The following SH2D4B variants were observed in gnomAD, a reference collection of about 807,000 sequenced individuals.
The protein encoded by SH2D4B is SH2 domain containing 4B.
In SH2D4B, 45 loss-of-function variants were observed where a neutral mutation model predicts 61.5. The observed-to-expected ratio is 0.73, with a 90% confidence interval of 0.58 to 0.94. The LOEUF (loss-of-function observed/expected upper bound fraction) is 0.94, where lower values mean the gene tolerates loss of function less well. SH2D4B is among the 40% of genes least tolerant of loss of function. The probability of loss-of-function intolerance (pLI) is 0.00; values close to 1 mark genes in which losing one functional copy is unlikely to be tolerated. For missense variants in SH2D4B, 572 were observed against 574.2 expected (o/e 1.00, Z 0.04); for synonymous variants, 224 against 220.4 (o/e 1.02, Z -0.14).
Position 80,571,475 on chromosome 10 carries a change from T to C in SH2D4B, c.392T>C (p.Leu131Pro), listed in dbSNP as rs12257493. Residue 131 changes from leucine (L) to proline (P), a missense_variant, in exon 3 of 8, where the codon CTG becomes CCG. Leu to Pro is a moderately conservative substitution (Grantham distance 98). Coordinates refer to ENST00000646907, the MANE Select transcript of SH2D4B (RefSeq NM_001388272.1). Reference protein sequence around the residue: ...AEITKKFRDALANEKARILAE... With the variant: ...AEITKKFRDAPANEKARILAE... ...ATCACCAAGAAGTTCCGGGATGCTC[T>C]GGCCAATGAGAAAGCCCGGATCTTG... 2,931 of 1,614,174 alleles carry C rather than the reference T, an allele frequency of 1.8e-3. 57 individuals are homozygous for C. The African/African-American group carries it at 0.035, about 19-fold the overall frequency.
chr10:80,560,758 T>C (rs1841893898), intron 1 of SH2D4B, among the ~76,000 whole-genome samples: 1 of 138,888 alleles, frequency 7.2e-6, no homozygotes, highest in Non-Finnish European at 1.5e-5. Context: ...GATACACTGG[T>C]GGTGATTCTC....
At chr10:80,575,259 C>G (rs1842111476) in intron 3 of SH2D4B, among the ~76,000 whole-genome samples, 1 of 151,824 alleles carries the variant, frequency 6.6e-6, no homozygotes. Flanking sequence ...CTCACTCACA[C>G]TCATATACAC....
chr10:80,591,415 A>G (rs1842324867), intron 4 of SH2D4B, among the ~76,000 whole-genome samples: 1 of 151,388 alleles, frequency 6.6e-6, no homozygotes, highest in Non-Finnish European at 1.5e-5. Context: ...GAGTCTGGTA[A>G]GGGCCTTCTT....
chr10:80,543,548 C>G (rs933486003), intron 1 of SH2D4B, among the ~76,000 whole-genome samples: 3 of 152,334 alleles, frequency 2.0e-5, no homozygotes, highest in Middle Eastern at 3.4e-3. Context: ...GCGCCACCCC[C>G]TGCTCCACGG....
chr10:80,621,608 A>G (rs1261060947), intron 6 of SH2D4B, among the ~76,000 whole-genome samples: 2 of 152,120 alleles, frequency 1.3e-5, no homozygotes, highest in African/African-American at 4.8e-5. Flanking sequence ...GCCTTCGTCA[A>G]ATGTCGTCTG....
At chr10:80,565,538 G>A (rs945407745) in intron 1 of SH2D4B, among the ~76,000 whole-genome samples, 31 of 151,974 alleles carry the variant, frequency 2.0e-4, no homozygotes, top group Non-Finnish European at 3.1e-4. Flanking sequence ...TGGGACTAGA[G>A]GCATGCACCA....
At chr10:80,558,853 A>G (rs1046604508) in intron 1 of SH2D4B, among the ~76,000 whole-genome samples, 16 of 152,192 alleles carry the variant, frequency 1.1e-4, no homozygotes. Flanking sequence ...TAGTATGTTC[A>G]TAGATATGTG....
intron 6 of SH2D4B, among the ~76,000 whole-genome samples, chr10:80,629,054 G>GAAA (rs1176200160): frequency 6.7e-6 from 1 of 149,836 alleles, no homozygotes; most frequent in African/African-American, 2.5e-5. Context: ...AAAAGAAAAA[G>GAAA]AAATACCCAA....
chr10:80,600,552 T>C (rs942478688), intron 4 of SH2D4B, among the ~76,000 whole-genome samples: 1 of 150,414 alleles, frequency 6.6e-6, no homozygotes, highest in African/African-American at 2.5e-5. Flanking sequence ...TGTGTGTGTG[T>C]GCTGGGGAAG....
At position 80,576,559 on chromosome 10, in the gene SH2D4B, CT is replaced by C. The variant is rs543420460; in HGVS notation, c.495+4982del. Reference sequence around the variant, plus strand: ...TGCCTGTAAGTGCACTGCCCTTTTGCTGTGTGGAACTCTTCATCACAGGAAA... The same window carrying C: ...TGCCTGTAAGTGCACTGCCCTTTTGCGTGTGGAACTCTTCATCACAGGAAA... On this transcript the variant is annotated intron_variant, in intron 3 of 7. Transcript: ENST00000646907. Among the ~76,000 whole-genome samples the C allele has an allele frequency of 3.2e-3, 488 of 152,250 alleles. 4 individuals carry two copies. The highest frequency in any genetic ancestry group is 0.011 in the African/African-American group (474 of 41,548).
At position 80,603,567 on chromosome 10, in the gene SH2D4B, T is replaced by C; in HGVS notation, c.644-12T>C. 1 of 1,532,888 alleles carries C rather than the reference T, an allele frequency of 6.5e-7. No individual in the cohort carries two copies. Among genetic ancestry groups the C allele is most frequent in the Non-Finnish European group, 8.8e-7 (1 of 1,134,014 alleles). The allele number at this position is 1,532,888 out of a possible 1,614,324, so 95.0% of individuals were successfully genotyped here. ...GCGGATCTGGGCTAACGTGCTGTCT[T>C]CCTCTTTCCAGTGCGCCGGTCCAAG... On this transcript the variant is annotated splice_polypyrimidine_tract_variant and intron_variant, in intron 4 of 7. Coordinates refer to ENST00000646907, the MANE Select transcript of SH2D4B (RefSeq NM_001388272.1).
In SH2D4B at chr10:80,644,293, T is replaced by C; in HGVS notation, c.*208T>C. ...CGGGACAGAAATTGCTAATAGCTCA[T>C]GCAACTCTTTCATGAAGAGCTTAGC... On this transcript the variant is annotated 3_prime_UTR_variant, in exon 8 of 8. Transcript: ENST00000646907. The C allele has an allele frequency of 1.9e-6, 1 of 537,590 alleles. No homozygotes were observed. The highest frequency in any genetic ancestry group is 3.3e-6 in the Non-Finnish European group (1 of 303,072). 33.3% of individuals were successfully genotyped at this position (537,590 alleles called of 1,614,324 possible). A position where few individuals can be genotyped will look rare whatever the true frequency, so the allele number is the denominator to read the frequency against.
chr10:80,591,920 A>C (rs1270469580), intron 4 of SH2D4B, among the ~76,000 whole-genome samples: 2 of 152,220 alleles, frequency 1.3e-5, no homozygotes, highest in South Asian at 2.1e-4. Context: ...CAGAGTCTTC[A>C]TGATCCAATC....
intron 6 of SH2D4B, among the ~76,000 whole-genome samples, chr10:80,629,985 A>G (rs1487826070): frequency 6.6e-6 from 1 of 152,212 alleles, no homozygotes; most frequent in Non-Finnish European, 1.5e-5. Context: ...CAGGTCTTCC[A>G]TGAAGCAGAA....
intron 4 of SH2D4B, among the ~76,000 whole-genome samples, chr10:80,591,505 C>CTTTTTTTTT (rs763446349): frequency 1.8e-5 from 2 of 108,932 alleles, no homozygotes; most frequent in African/African-American, 3.8e-5. Flanking sequence ...GCCAAACTGG[C>CTTTTTTTTT]TTTTTTTTTT....
chr10:80,625,585 T>A (rs1159388026), intron 6 of SH2D4B, among the ~76,000 whole-genome samples: 1 of 151,090 alleles, frequency 6.6e-6, no homozygotes, highest in Non-Finnish European at 1.5e-5. Context: ...TTTTTTTTCT[T>A]TTTTTGAGAC....
At chr10:80,554,437 CGT>C (rs139368172) in intron 1 of SH2D4B, among the ~76,000 whole-genome samples, 1,773 of 149,636 alleles carry the variant, frequency 0.012, 34 homozygotes, top group African/African-American at 0.041. Context: ...ATTGGATGTA[CGT>C]GTGTGTGTGT....
At chr10:80,572,980 A>G (rs1159497587) in intron 3 of SH2D4B, among the ~76,000 whole-genome samples, 520 of 9,232 alleles carry the variant, frequency 0.056, 7 homozygotes, top group Middle Eastern at 0.071. Context: ...ATATATATAT[A>G]TATATATTTT....
intron 1 of SH2D4B, among the ~76,000 whole-genome samples, chr10:80,549,200 TGATTGTG>T (rs1841722828): frequency 8.2e-5 from 1 of 12,194 alleles, no homozygotes; most frequent in Non-Finnish European, 1.3e-4. Context: ...TGATGGGACT[TGATTGTG>T]TGTGTGTGTG....
Sources: gnomAD v4.1 joint callset for allele counts (sites outside exome capture counted in the v4.1 genomes callset) on GRCh38, gnomAD v4.1.1 for gene constraint, MANE v1.5 for transcripts, NCBI Gene and HGNC (gene_info 2026-07-23, HGNC 2026-07-21) for gene names.